The following ZSWIM7 variants were observed in gnomAD, a reference collection of about 807,000 sequenced individuals.
ZSWIM7 encodes the protein zinc finger SWIM domain-containing protein 7.
Under a neutral mutation model 21.1 loss-of-function variants are expected in ZSWIM7, and 22 were observed. That is an observed-to-expected ratio of 1.04 (90% confidence interval 0.74 to 1.49). The LOEUF (loss-of-function observed/expected upper bound fraction) is 1.49. ZSWIM7 is among the 40% of genes most tolerant of loss of function. The pLI, the probability that ZSWIM7 is intolerant of heterozygous loss-of-function variation, is 0.00. For missense variants in ZSWIM7, 193 were observed against 168.0 expected (o/e 1.15, Z -0.82); for synonymous variants, 67 against 66.5 (o/e 1.01, Z -0.04).
intron 3 of ZSWIM7, among the ~76,000 whole-genome samples, chr17:15,984,245 A>G (rs780596743): frequency 1.3e-5 from 2 of 152,234 alleles, no homozygotes; most frequent in Non-Finnish European, 2.9e-5. Flanking sequence ...GTGGACAACT[A>G]ATGAACCCAA....
chr17:15,999,535 C>T lies in ZSWIM7; in HGVS notation c.60G>A (p.Val20=). Residue 20 remains valine (V), a synonymous_variant, in exon 1 of 5, where the codon GTG becomes GTA. Coordinates refer to ENST00000399277, the MANE Select transcript of ZSWIM7 (RefSeq NM_001042697.2). ...EELLSEMAAA[V]QESARIPDEY... ...GTCCCGTACTTCGCGCGCTCTCCTGCACCGCCGCCGCCATCTCGCTCAGGA... is the reference window on the plus strand; with the variant it reads ...GTCCCGTACTTCGCGCGCTCTCCTGTACCGCCGCCGCCATCTCGCTCAGGA... The T allele has an allele frequency of 6.2e-7, 1 of 1,600,450 alleles. No homozygotes were observed.
intron 1 of ZSWIM7, among the ~76,000 whole-genome samples, chr17:15,997,168 A>AC (rs1567573058): frequency 6.6e-6 from 1 of 151,944 alleles, no homozygotes; most frequent in Non-Finnish European, 1.5e-5. Flanking sequence ...AAAAAAAAAA[A>AC]AGAGGTAGTA....
chr17:15,998,905 C>T (rs1970615066), intron 1 of ZSWIM7, among the ~76,000 whole-genome samples: 1 of 152,022 alleles, frequency 6.6e-6, no homozygotes, highest in Non-Finnish European at 1.5e-5. Context: ...CAGGCGCCCG[C>T]CACCACGCCC....
At chr17:15,993,849 A>C (rs1970514244) in intron 1 of ZSWIM7, 71 bp from the exon 2 acceptor site, 1 of 1,200,338 alleles carries the variant, frequency 8.3e-7, no homozygotes, top group African/African-American at 1.5e-5. Flanking sequence ...AATCTTAAAA[A>C]ACACTGTAAC....
intron 2 of ZSWIM7, among the ~76,000 whole-genome samples, chr17:15,992,126 C>T (rs55978925): frequency 0.042 from 6,396 of 152,066 alleles, 136 homozygotes; most frequent in East Asian, 0.073. Flanking sequence ...GGGGTTTCAC[C>T]ATGTTGGTCA....
At chr17:15,978,732 C>A (rs1970308851) in intron 4 of ZSWIM7, among the ~76,000 whole-genome samples, 1 of 152,148 alleles carries the variant, frequency 6.6e-6, no homozygotes, top group African/African-American at 2.4e-5. Context: ...AGGTATGTAA[C>A]CCATGGTGAA....
intron 2 of ZSWIM7, among the ~76,000 whole-genome samples, chr17:15,992,409 T>G (rs1970497547): frequency 6.6e-6 from 1 of 151,904 alleles, no homozygotes; most frequent in Non-Finnish European, 1.5e-5. Context: ...ATTTGTAATT[T>G]CTTTTTCATG....
Position 15,976,972 on chromosome 17 carries a change from C to T in ZSWIM7, c.*1075G>A, listed in dbSNP as rs1001999662. On this transcript the variant is annotated 3_prime_UTR_variant, in exon 5 of 5. Coordinates refer to ENST00000399277, the MANE Select transcript of ZSWIM7 (RefSeq NM_001042697.2). ...CTCGGTGTCCAACTGAGTCTCATCGCTCTCCCTTCTAATACTCCTTCTGTC... is the reference window on the plus strand; with the variant it reads ...CTCGGTGTCCAACTGAGTCTCATCGTTCTCCCTTCTAATACTCCTTCTGTC... 2 of 151,798 alleles carry T rather than the reference C, an allele frequency of 1.3e-5. No individual in the cohort carries two copies. The highest frequency in any genetic ancestry group is 2.9e-5 in the Non-Finnish European group (2 of 67,962). 9.4% of individuals were successfully genotyped at this position (151,798 alleles called of 1,614,324 possible).
chr17:15,996,976 T>C (rs749988726), intron 1 of ZSWIM7, among the ~76,000 whole-genome samples: 1 of 151,850 alleles, frequency 6.6e-6, no homozygotes, highest in African/African-American at 2.4e-5. Context: ...CTAGGCAACA[T>C]AGTGAGACCT....
intron 2 of ZSWIM7, among the ~76,000 whole-genome samples, chr17:15,989,175 TG>T (rs1970451846): frequency 6.6e-6 from 1 of 152,164 alleles, no homozygotes; most frequent in African/African-American, 2.4e-5. Flanking sequence ...AACTGTTAAA[TG>T]ATATACAGGA....
intron 2 of ZSWIM7, among the ~76,000 whole-genome samples, chr17:15,993,192 T>A (rs114324818): frequency 0.027 from 4,032 of 151,920 alleles, 175 homozygotes; most frequent in African/African-American, 0.092. Flanking sequence ...ATTCTATTTT[T>A]AAAATTATTT....
chr17:15,990,162 G>A (rs1237261670), intron 2 of ZSWIM7, among the ~76,000 whole-genome samples: 2 of 149,526 alleles, frequency 1.3e-5, no homozygotes, highest in Non-Finnish European at 3.0e-5. Flanking sequence ...GGAGCTTGCA[G>A]TGAGCCGGGA....
At chr17:15,988,485 T>C (rs961112620) in intron 2 of ZSWIM7, among the ~76,000 whole-genome samples, 1 of 152,096 alleles carries the variant, frequency 6.6e-6, no homozygotes, top group Non-Finnish European at 1.5e-5. Flanking sequence ...CTAAAGCATA[T>C]GTTCATTTTC....
chr17:15,978,196 C>T (rs771844995), intron 4 of ZSWIM7, 33 bp from the exon 5 acceptor site: 2 of 1,535,080 alleles, frequency 1.3e-6, no homozygotes, highest in Non-Finnish European at 1.8e-6. Context: ...CTATTAGAAA[C>T]AGGCAGGGCC....
chr17:15,977,911 G>C lies in ZSWIM7; in HGVS notation c.*136C>G, dbSNP rs1970298803. 3 of 739,728 alleles carry C rather than the reference G, an allele frequency of 4.1e-6. No homozygotes were observed. The East Asian group carries it at 7.9e-5, about 20-fold the overall frequency. The allele number at this position is 739,728 out of a possible 1,614,324, so 45.8% of individuals were successfully genotyped here. A position where few individuals can be genotyped will look rare whatever the true frequency, so the allele number is the denominator to read the frequency against. On this transcript the variant is annotated 3_prime_UTR_variant, in exon 5 of 5. Coordinates refer to ENST00000399277, the MANE Select transcript of ZSWIM7 (RefSeq NM_001042697.2). ...GCTCCAACCCACAGCACCTCCTGCA[G>C]TCCTGGAGGGAAAAGGGACAGTAAC...
chr17:15,979,792 G>A (rs1352112405), intron 4 of ZSWIM7, among the ~76,000 whole-genome samples: 2 of 128,358 alleles, frequency 1.6e-5, no homozygotes, highest in Non-Finnish European at 3.3e-5. Context: ...GCCGGGCGGG[G>A]GGCTGACCCC....
intron 3 of ZSWIM7, among the ~76,000 whole-genome samples, chr17:15,986,214 T>C (rs1336438573): frequency 6.6e-6 from 1 of 152,254 alleles, no homozygotes; most frequent in African/African-American, 2.4e-5. Flanking sequence ...CAGCTAATTT[T>C]TGTATTTTTA....
chr17:15,983,200 C>A (rs1323115101), intron 3 of ZSWIM7, among the ~76,000 whole-genome samples: 2 of 151,630 alleles, frequency 1.3e-5, no homozygotes, highest in African/African-American at 4.8e-5. Flanking sequence ...CAAAAATTAG[C>A]CAGGTGTGGT....
intron 1 of ZSWIM7, among the ~76,000 whole-genome samples, chr17:15,997,400 G>A (rs1970569057): frequency 6.6e-6 from 1 of 152,146 alleles, no homozygotes; most frequent in Non-Finnish European, 1.5e-5. Context: ...GAGAACACTA[G>A]TAAAGGATGT....
Sources: gnomAD v4.1 joint callset for allele counts (sites outside exome capture counted in the v4.1 genomes callset) on GRCh38, gnomAD v4.1.1 for gene constraint, MANE v1.5 for transcripts, NCBI Gene and HGNC (gene_info 2026-07-23, HGNC 2026-07-21) for gene names.